The following FAM210A variants were observed in gnomAD, a reference collection of about 807,000 sequenced individuals.
FAM210A encodes family with sequence similarity 210 member A.
In FAM210A, 13 loss-of-function variants were observed where a neutral mutation model predicts 25.3. That is an observed-to-expected ratio of 0.51 (90% CI 0.33 to 0.82). The LOEUF is 0.82. FAM210A is among the 40% of genes least tolerant of loss of function. FAM210A has a pLI of 0.02. For synonymous variants in FAM210A, 125 were observed against 118.7 expected, an observed-to-expected ratio of 1.05 and a Z score of -0.35; for missense variants, 319 against 323.2, an observed-to-expected ratio of 0.99 and a Z score of 0.10.
In FAM210A at chr18:13,671,941, A is replaced by G. The variant is rs148120476; in HGVS notation, c.506T>C (p.Ile169Thr). The part of the protein sequence containing the change: ...GVNVVPFLEL[I>T]GLPDSVVSIL... ...GCTTACCACACTGTCAGGTAACCCAATGAGTTCTAGAAAAGGAACGACATT... is the reference window on the plus strand; with the variant it reads ...GCTTACCACACTGTCAGGTAACCCAGTGAGTTCTAGAAAAGGAACGACATT... The change falls in exon 3 of 4, where the codon ATT becomes ACT. Residue 169 changes from isoleucine (I) to threonine (T), a missense_variant. Transcript: ENST00000651643. The G allele has an allele frequency of 1.3e-4, 212 of 1,613,126 alleles. No homozygotes were observed. Among genetic ancestry groups the G allele is most frequent in the African/African-American group, 8.9e-4 (67 of 74,956 alleles).
At chr18:13,699,327 TAAAC>T (rs1468238925) in intron 1 of FAM210A, among the ~76,000 whole-genome samples, 2 of 152,212 alleles carry the variant, frequency 1.3e-5, no homozygotes, top group African/African-American at 2.4e-5. Context: ...TTGAACCACA[TAAAC>T]AAGCTGAATT....
At chr18:13,719,629 T>A (rs1284197) in intron 1 of FAM210A, among the ~76,000 whole-genome samples, 9,080 of 152,078 alleles carry the variant, frequency 0.06, 919 homozygotes, top group African/African-American at 0.21. Context: ...ACTGCTACTA[T>A]GGTTAATTCT....
At chr18:13,666,746 AC>A in intron 3 of FAM210A, 33 bp from the exon 4 acceptor site, 1 of 1,575,750 alleles carries the variant, frequency 6.3e-7, no homozygotes, top group Non-Finnish European at 8.7e-7. Flanking sequence ...GCAAATCAAA[AC>A]CTGGTTATTA....
intron 1 of FAM210A, among the ~76,000 whole-genome samples, chr18:13,703,960 A>G (rs1405838387): frequency 6.6e-6 from 1 of 152,184 alleles, no homozygotes; most frequent in African/African-American, 2.4e-5. Flanking sequence ...AAGAGATTTT[A>G]TAGGAGAAAC....
chr18:13,667,808 G>A (rs1301447098), intron 3 of FAM210A, among the ~76,000 whole-genome samples: 1 of 152,198 alleles, frequency 6.6e-6, no homozygotes, highest in Non-Finnish European at 1.5e-5. Flanking sequence ...AGTCGGGAGG[G>A]CTGCTTGAGC....
At chr18:13,716,266 A>G (rs1290613508) in intron 1 of FAM210A, among the ~76,000 whole-genome samples, 1 of 152,208 alleles carries the variant, frequency 6.6e-6, no homozygotes, top group Non-Finnish European at 1.5e-5. Context: ...TTGGCTGCCT[A>G]CTAAGCATCC....
intron 1 of FAM210A, among the ~76,000 whole-genome samples, chr18:13,716,068 T>G (rs2043859608): frequency 6.6e-6 from 1 of 152,250 alleles, no homozygotes; most frequent in African/African-American, 2.4e-5. Context: ...TACTAATTTT[T>G]CTATTTTAAT....
At chr18:13,695,220 G>A (rs2043682270) in intron 1 of FAM210A, among the ~76,000 whole-genome samples, 2 of 152,206 alleles carry the variant, frequency 1.3e-5, no homozygotes, top group Non-Finnish European at 2.9e-5. Context: ...AACAACAGAT[G>A]CTGGAGAGGA....
In FAM210A at chr18:13,715,185, C is replaced by G. The variant is rs535760859; in HGVS notation, c.-29+11144G>C. The stretch of plus-strand genomic sequence containing the variant: ...ACTACTGATCAGATGAAAGTTTTGA[C>G]CTGCTCAGTTTCTAGACTGGGCTAG... On this transcript the variant is annotated intron_variant, in intron 1 of 3. Transcript: ENST00000651643. 3.9e-5 allele frequency: 6 copies of G among 152,180 alleles called. No homozygotes were observed. In the South Asian group the frequency reaches 1.2e-3, roughly 32 times the overall value. The allele number at this position is 152,180 out of a possible 1,614,324, so 9.4% of individuals were successfully genotyped here.
At chr18:13,722,607 A>C (rs1423750381) in intron 1 of FAM210A, among the ~76,000 whole-genome samples, 1 of 152,120 alleles carries the variant, frequency 6.6e-6, no homozygotes, top group Non-Finnish European at 1.5e-5. Context: ...AAATGTGCAG[A>C]TCCCATTCCT....
At chr18:13,700,133 G>C (rs1196811601) in intron 1 of FAM210A, among the ~76,000 whole-genome samples, 1 of 152,162 alleles carries the variant, frequency 6.6e-6, no homozygotes, top group Non-Finnish European at 1.5e-5. Context: ...AGTCCCACAA[G>C]ACTACTCCTA....
chr18:13,707,069 CG>C (rs2043783844), intron 1 of FAM210A, among the ~76,000 whole-genome samples: 1 of 152,192 alleles, frequency 6.6e-6, no homozygotes, highest in South Asian at 2.1e-4. Context: ...ATCTCTAAAA[CG>C]TCACATGGTC....
intron 1 of FAM210A, among the ~76,000 whole-genome samples, chr18:13,691,409 C>A (rs1227817267): frequency 6.6e-6 from 1 of 152,096 alleles, no homozygotes; most frequent in African/African-American, 2.4e-5. Context: ...CAGAGAACGC[C>A]ACAAAGATAC....
intron 1 of FAM210A, among the ~76,000 whole-genome samples, chr18:13,724,911 T>C (rs967967471): frequency 6.6e-6 from 1 of 152,048 alleles, no homozygotes; most frequent in Non-Finnish European, 1.5e-5. Context: ...GTAGCTGGGA[T>C]TACAGGCACG....
chr18:13,705,691 C>T (rs1048888500), intron 1 of FAM210A, among the ~76,000 whole-genome samples: 32 of 152,244 alleles, frequency 2.1e-4, no homozygotes, highest in African/African-American at 6.0e-4. Context: ...AGGATGGTTT[C>T]GAACTCCTGA....
intron 3 of FAM210A, among the ~76,000 whole-genome samples, chr18:13,668,481 A>ACT (rs2149050424): frequency 6.6e-6 from 1 of 152,306 alleles, no homozygotes; most frequent in East Asian, 1.9e-4. Context: ...ATGATTCTTA[A>ACT]CTTTAATCTC....
At chr18:13,701,756 A>T (rs1220354601) in intron 1 of FAM210A, among the ~76,000 whole-genome samples, 1 of 152,252 alleles carries the variant, frequency 6.6e-6, no homozygotes, top group African/African-American at 2.4e-5. Context: ...GAGGTCTCTC[A>T]GAAATTAAAT....
chr18:13,708,034 A>T (rs1029597529), intron 1 of FAM210A, among the ~76,000 whole-genome samples: 2 of 152,168 alleles, frequency 1.3e-5, no homozygotes, highest in African/African-American at 4.8e-5. Context: ...AATTCAGCTG[A>T]AGTTTTTCTT....
intron 1 of FAM210A, among the ~76,000 whole-genome samples, chr18:13,719,506 T>G (rs997310098): frequency 5.3e-5 from 8 of 152,144 alleles, no homozygotes; most frequent in African/African-American, 1.7e-4. Flanking sequence ...CCTCCACTTC[T>G]CCGGGAGGAT....
Sources: allele counts gnomAD v4.1 joint callset (sites outside exome capture counted in the v4.1 genomes callset), GRCh38; gene constraint gnomAD v4.1.1; transcripts MANE v1.5; gene names NCBI Gene and HGNC (gene_info 2026-07-23, HGNC 2026-07-21).